TMEFF2: variants seen among roughly 807,000 people sequenced by gnomAD.
TMEFF2 encodes the protein tomoregulin-2.
TMEFF2 carries 28 observed loss-of-function variants against 53.8 expected under a neutral mutation model. The ratio of observed to expected loss-of-function variants is 0.52; its 90% CI spans 0.39 to 0.71. The LOEUF (loss-of-function observed/expected upper bound fraction) is 0.71. Ranked by LOEUF, TMEFF2 falls within the 30% of genes least tolerant of loss-of-function variation. TMEFF2 has a pLI of 0.00. For missense variants in TMEFF2, 353 were observed against 455.2 expected (o/e 0.78, Z 2.04); for synonymous variants, 162 against 166.3 (o/e 0.97, Z 0.20).
intron 4 of TMEFF2, among the ~76,000 whole-genome samples, chr2:192,111,461 G>A (rs1689274509): frequency 6.6e-6 from 1 of 152,140 alleles, no homozygotes; most frequent in South Asian, 2.1e-4. Flanking sequence ...AGATGATTTA[G>A]TGTATCTGAT....
rs888218577 is a variant in TMEFF2, at chr2:192,132,642, G to A, written c.439+47026C>T. Among the ~76,000 whole-genome samples the A allele has an allele frequency of 2.7e-4, 41 of 152,022 alleles. 1 individual carries two copies. The highest frequency in any genetic ancestry group is 2.6e-4 in the Admixed American group (4 of 15,270). The stretch of plus-strand genomic sequence containing the variant: ...CTCCAGCACACAAGAACTTCCAAAC[G>A]CCTGAACTGCAGCGGCCAGGCGTTC... On this transcript the variant is annotated intron_variant, in intron 4 of 9. Coordinates refer to ENST00000272771, the MANE Select transcript of TMEFF2 (RefSeq NM_016192.4).
chr2:191,988,922 G>T (rs919162674), intron 7 of TMEFF2, among the ~76,000 whole-genome samples: 1 of 152,206 alleles, frequency 6.6e-6, no homozygotes, highest in East Asian at 1.9e-4. Context: ...CATTCACTCT[G>T]TGTTTTATTA....
intron 4 of TMEFF2, among the ~76,000 whole-genome samples, chr2:192,132,122 A>T (rs1164051553): frequency 1.3e-5 from 2 of 151,798 alleles, no homozygotes; most frequent in Non-Finnish European, 2.9e-5. Context: ...AGGCCAAGCT[A>T]GGCCCCAATT....
intron 4 of TMEFF2, among the ~76,000 whole-genome samples, chr2:192,098,086 T>G (rs559641508): frequency 5.3e-5 from 8 of 152,324 alleles, no homozygotes; most frequent in African/African-American, 1.9e-4. Context: ...TTGACAATGC[T>G]TTTGGCTAGG....
intron 4 of TMEFF2, among the ~76,000 whole-genome samples, chr2:192,088,739 T>G (rs1430310780): frequency 6.6e-6 from 1 of 152,120 alleles, no homozygotes; most frequent in East Asian, 1.9e-4. Flanking sequence ...TTGCCTAAAA[T>G]TGGTTTCTTT....
At chr2:192,142,653 G>A (rs1033275569) in intron 4 of TMEFF2, among the ~76,000 whole-genome samples, 2 of 152,060 alleles carry the variant, frequency 1.3e-5, no homozygotes, top group African/African-American at 4.8e-5. Context: ...AATATCCATG[G>A]CCTGGAATGC....
intron 4 of TMEFF2, among the ~76,000 whole-genome samples, chr2:192,174,877 GTGGAAAAGGTATGCTGGT>G (rs1691000951): frequency 1.3e-5 from 2 of 151,800 alleles, no homozygotes; most frequent in East Asian, 3.9e-4. Flanking sequence ...TAGTGGAGAA[GTGGAAAAGGTATGCTGGT>G]TGGAGAGGGA....
chr2:192,147,504 C>T (rs900201460), intron 4 of TMEFF2, among the ~76,000 whole-genome samples: 5 of 151,760 alleles, frequency 3.3e-5, no homozygotes, highest in African/African-American at 7.3e-5. Flanking sequence ...CAACAGGCCC[C>T]GGTGTGTGAT....
chr2:191,970,385 G>A (rs554004455), intron 7 of TMEFF2, among the ~76,000 whole-genome samples: 1 of 151,974 alleles, frequency 6.6e-6, no homozygotes, highest in African/African-American at 2.4e-5. Flanking sequence ...TTAAAATGAG[G>A]TCATACTGGA....
At chr2:192,165,898 G>T (rs1016702316) in intron 4 of TMEFF2, among the ~76,000 whole-genome samples, 15 of 152,210 alleles carry the variant, frequency 9.9e-5, no homozygotes, top group Admixed American at 8.5e-4. Context: ...AAATATCTCT[G>T]AATTTAGAAA....
intron 4 of TMEFF2, among the ~76,000 whole-genome samples, chr2:192,137,123 G>A (rs571291018): frequency 6.6e-6 from 1 of 152,208 alleles, no homozygotes; most frequent in Non-Finnish European, 1.5e-5. Flanking sequence ...ATTGTAAGAA[G>A]TGGTGTGTAA....
intron 5 of TMEFF2, among the ~76,000 whole-genome samples, chr2:192,014,259 A>G (rs2105852878): frequency 6.6e-6 from 1 of 152,334 alleles, no homozygotes; most frequent in South Asian, 2.1e-4. Context: ...ATCAGTCTTC[A>G]GTAATCAATG....
intron 4 of TMEFF2, among the ~76,000 whole-genome samples, chr2:192,174,226 G>C (rs1416022132): frequency 6.6e-6 from 1 of 151,692 alleles, no homozygotes; most frequent in Non-Finnish European, 1.5e-5. Flanking sequence ...ACAAAAGTTT[G>C]TAGCATCTAT....
At chr2:192,000,789 A>G (rs1466069399) in intron 5 of TMEFF2, among the ~76,000 whole-genome samples, 1 of 152,210 alleles carries the variant, frequency 6.6e-6, no homozygotes, top group Non-Finnish European at 1.5e-5. Context: ...TTGTAAGAGA[A>G]TTGCTGTAGG....
intron 4 of TMEFF2, among the ~76,000 whole-genome samples, chr2:192,133,712 T>G (rs973233495): frequency 6.6e-6 from 1 of 152,218 alleles, no homozygotes; most frequent in Non-Finnish European, 1.5e-5. Context: ...CCAGCCTCTC[T>G]TCGCTTTCAC....
chr2:192,186,630 T>C (rs1691321631), intron 2 of TMEFF2, among the ~76,000 whole-genome samples: 3 of 152,138 alleles, frequency 2.0e-5, no homozygotes. Flanking sequence ...TCATAATGTG[T>C]CTATGGCTAG....
chr2:192,083,927 T>C (rs985555460), intron 4 of TMEFF2, among the ~76,000 whole-genome samples: 4 of 152,068 alleles, frequency 2.6e-5, no homozygotes, highest in Admixed American at 1.3e-4. Flanking sequence ...TCAGAGCTTT[T>C]TCTATACAAG....
intron 5 of TMEFF2, among the ~76,000 whole-genome samples, chr2:192,041,444 A>T (rs924061250): frequency 4.6e-5 from 7 of 152,228 alleles, no homozygotes; most frequent in African/African-American, 1.7e-4. Flanking sequence ...GGATAGTAAT[A>T]ATCAAAAAGA....
chr2:192,033,928 C>A (rs948615485), intron 5 of TMEFF2, among the ~76,000 whole-genome samples: 2 of 152,078 alleles, frequency 1.3e-5, no homozygotes, highest in African/African-American at 4.8e-5. Flanking sequence ...GTAATCCCAG[C>A]ACTCTGGGAG....
Sources: gnomAD v4.1 joint callset for allele counts (sites outside exome capture counted in the v4.1 genomes callset) on GRCh38, gnomAD v4.1.1 for gene constraint, MANE v1.5 for transcripts, NCBI Gene and HGNC (gene_info 2026-07-23, HGNC 2026-07-21) for gene names.